GRIN2A: variants seen among roughly 807,000 people sequenced by gnomAD.
The protein encoded by GRIN2A is glutamate receptor ionotropic, NMDA 2A.
In GRIN2A, 22 loss-of-function variants were observed where a neutral mutation model predicts 113.4. That is an observed-to-expected ratio of 0.19 (90% CI 0.14 to 0.28). The LOEUF (loss-of-function observed/expected upper bound fraction) is 0.28, where lower values mean the gene tolerates loss of function less well. GRIN2A is among the 10% of genes least tolerant of loss of function. GRIN2A has a pLI of 1.00. For synonymous variants in GRIN2A, 827 were observed against 738.4 expected, an observed-to-expected ratio of 1.12 and a Z score of -1.94; for missense variants, 1,502 against 1,887.0, an observed-to-expected ratio of 0.80 and a Z score of 3.78.
intron 8 of GRIN2A, among the ~76,000 whole-genome samples, chr16:9,833,724 T>C (rs2042537815): frequency 6.6e-6 from 1 of 152,210 alleles, no homozygotes; most frequent in Non-Finnish European, 1.5e-5. Context: ...GTATAATGTA[T>C]TCTTTGTGTG....
chr16:9,795,817 G>C (rs1213109193), intron 11 of GRIN2A, among the ~76,000 whole-genome samples: 1 of 152,200 alleles, frequency 6.6e-6, no homozygotes, highest in African/African-American at 2.4e-5. Flanking sequence ...AGTAGATTTA[G>C]TTCAGATGTG....
At chr16:9,963,338 A>T (rs1218138630) in intron 2 of GRIN2A, among the ~76,000 whole-genome samples, 2 of 152,068 alleles carry the variant, frequency 1.3e-5, no homozygotes, top group East Asian at 3.9e-4. Flanking sequence ...ATAGGTATAC[A>T]CGTGCCATGG....
chr16:10,008,013 A>G (rs1306976654), intron 2 of GRIN2A, among the ~76,000 whole-genome samples: 1 of 152,206 alleles, frequency 6.6e-6, no homozygotes, highest in Non-Finnish European at 1.5e-5. Context: ...AGGGCTCTTA[A>G]GAAAGTTAAA....
chr16:9,765,544 A>C (rs1269772464), intron 12 of GRIN2A, among the ~76,000 whole-genome samples: 1 of 152,216 alleles, frequency 6.6e-6, no homozygotes, highest in Non-Finnish European at 1.5e-5. Context: ...TGTGAGGCTC[A>C]TCATACTCTT....
chr16:9,785,239 A>T (rs948630814), intron 11 of GRIN2A, among the ~76,000 whole-genome samples: 1 of 152,088 alleles, frequency 6.6e-6, no homozygotes, highest in Non-Finnish European at 1.5e-5. Context: ...CACATATACA[A>T]CATGGAATAC....
chr16:10,176,697 CA>C (rs1433819241), intron 2 of GRIN2A, among the ~76,000 whole-genome samples: 6 of 95,296 alleles, frequency 6.3e-5, no homozygotes, highest in African/African-American at 2.7e-4. Context: ...TGGGGCCTGT[CA>C]TGGGGTGGGG....
intron 11 of GRIN2A, among the ~76,000 whole-genome samples, chr16:9,785,232 A>C (rs993154992): frequency 9.9e-5 from 15 of 152,260 alleles, no homozygotes; most frequent in African/African-American, 2.9e-4. Context: ...AATGTGGCAC[A>C]TATACAACAT....
chr16:10,039,808 G>GAGAGAGA lies in GRIN2A; in HGVS notation c.415-101258_415-101257insTCTCTCT, dbSNP rs373952509. 6.7e-3 allele frequency among the ~76,000 whole-genome samples: 429 copies of GAGAGAGA among 63,808 alleles called. 18 individuals carry two copies. The highest frequency in any genetic ancestry group is 0.022 in the East Asian group (26 of 1,166). The allele number at this position is 63,808 out of a possible 152,430, so 41.9% of individuals were successfully genotyped here. Reference sequence around the variant, plus strand: ...AGGGGGAGGGGGAGGGGGAGGGGGGGGAGAAAGAGAGAGAGAGAGAGAGAG... The same window carrying GAGAGAGA: ...AGGGGGAGGGGGAGGGGGAGGGGGGGAGAGAGAGAGAAAGAGAGAGAGAGAGAGAGAG... On this transcript the variant is annotated intron_variant, in intron 2 of 12. Transcript: ENST00000330684.
intron 5 of GRIN2A, 43 bp downstream of exon 5, chr16:9,849,713 A>T: frequency 7.0e-7 from 1 of 1,426,172 alleles, no homozygotes; most frequent in Non-Finnish European, 9.9e-7. Flanking sequence ...ATGCTATTTC[A>T]AAGGGTTGGG....
intron 4 of GRIN2A, among the ~76,000 whole-genome samples, chr16:9,854,992 TTGTGTGTGTGTGTGTG>T (rs3831730): frequency 6.8e-6 from 1 of 147,556 alleles, no homozygotes; most frequent in Non-Finnish European, 1.5e-5. Context: ...GCAAGCACGC[TTGTGTGTGTGTGTGTG>T]TGTGTGTGTG....
At chr16:9,858,804 C>T (rs1379140157) in intron 4 of GRIN2A, among the ~76,000 whole-genome samples, 1 of 152,074 alleles carries the variant, frequency 6.6e-6, no homozygotes, top group Admixed American at 6.6e-5. Flanking sequence ...TTAATATACA[C>T]CTCTTATGTC....
intron 2 of GRIN2A, among the ~76,000 whole-genome samples, chr16:10,022,404 C>A (rs1207395307): frequency 1.3e-5 from 2 of 152,158 alleles, no homozygotes; most frequent in Non-Finnish European, 2.9e-5. Flanking sequence ...CCCACCTTGA[C>A]ATGTCTACAA....
chr16:9,920,028 T>G (rs552640431), intron 3 of GRIN2A, among the ~76,000 whole-genome samples: 1 of 152,240 alleles, frequency 6.6e-6, no homozygotes, highest in East Asian at 1.9e-4. Context: ...TCTCTTCCCA[T>G]CCCATATCAA....
chr16:9,919,604 A>G (rs778853334), intron 3 of GRIN2A, among the ~76,000 whole-genome samples: 3 of 152,226 alleles, frequency 2.0e-5, no homozygotes, highest in Non-Finnish European at 4.4e-5. Flanking sequence ...GAATTGTCAC[A>G]GGGAAAAGAA....
intron 2 of GRIN2A, among the ~76,000 whole-genome samples, chr16:10,089,444 C>T (rs1456902782): frequency 6.6e-6 from 1 of 152,046 alleles, no homozygotes; most frequent in African/African-American, 2.4e-5. Flanking sequence ...TATGTAACCA[C>T]CATAAGTGTT....
At chr16:9,809,536 C>T (rs1282592937) in intron 10 of GRIN2A, among the ~76,000 whole-genome samples, 2 of 151,656 alleles carry the variant, frequency 1.3e-5, no homozygotes, top group Middle Eastern at 3.2e-3. Flanking sequence ...CAAAGGAATG[C>T]TTATCTGTAT....
intron 7 of GRIN2A, among the ~76,000 whole-genome samples, chr16:9,835,051 G>A (rs549709985): frequency 1.3e-5 from 2 of 152,256 alleles, no homozygotes; most frequent in South Asian, 2.1e-4. Flanking sequence ...TAACCTGTTG[G>A]AAAAGAATTA....
intron 10 of GRIN2A, among the ~76,000 whole-genome samples, chr16:9,819,522 A>AG (rs146974240): frequency 1.6e-5 from 2 of 124,716 alleles, no homozygotes; most frequent in Non-Finnish European, 3.2e-5. Context: ...ACCCTGTCTG[A>AG]AAAAAAAAAA....
chr16:9,988,025 G>A (rs901650539), intron 2 of GRIN2A, among the ~76,000 whole-genome samples: 1 of 152,092 alleles, frequency 6.6e-6, no homozygotes, highest in African/African-American at 2.4e-5. Flanking sequence ...CAAGAAATCT[G>A]CAGCTTGTAA....
Sources: allele counts gnomAD v4.1 joint callset (sites outside exome capture counted in the v4.1 genomes callset), GRCh38; gene constraint gnomAD v4.1.1; transcripts MANE v1.5; gene names NCBI Gene and HGNC (gene_info 2026-07-23, HGNC 2026-07-21).